FBXO15: variants seen among roughly 807,000 people sequenced by gnomAD.
The protein encoded by FBXO15 is F-box protein 15, also known as F-box only protein 15.
FBXO15 carries 30 observed loss-of-function variants against 49.5 expected under a neutral mutation model. The ratio of observed to expected loss-of-function variants is 0.61; its 90% CI spans 0.45 to 0.82. The LOEUF is 0.82. Ranked by LOEUF, FBXO15 falls within the 40% of genes least tolerant of loss-of-function variation. The pLI, the probability that FBXO15 is intolerant of heterozygous loss-of-function variation, is 0.00. For missense variants in FBXO15, 591 were observed against 631.5 expected (o/e 0.94, Z 0.69); for synonymous variants, 250 against 232.7 (o/e 1.07, Z -0.68).
chr18:74,123,248 TACTGGTGCCAAAAGATTATAA>T, intron 8 of FBXO15, 99 bp downstream of exon 8: 1 of 1,075,172 alleles, frequency 9.3e-7, no homozygotes. Context: ...TCTGGGAGGA[TACTGGTGCCAAAAGATTATAA>T]AGTGACCAGT....
intron 9 of FBXO15, among the ~76,000 whole-genome samples, chr18:74,080,815 G>T (rs1283055679): frequency 2.0e-5 from 3 of 152,108 alleles, no homozygotes; most frequent in Non-Finnish European, 2.9e-5. Context: ...CTAAATGACT[G>T]CTCTCATCTT....
chr18:74,119,108 G>A (rs893691094), intron 8 of FBXO15, among the ~76,000 whole-genome samples: 2 of 152,158 alleles, frequency 1.3e-5, no homozygotes, highest in Non-Finnish European at 2.9e-5. Flanking sequence ...TCAGGCCCTC[G>A]CTGTCGCCTT....
chr18:74,138,283 T>A (rs1978844739), intron 2 of FBXO15, among the ~76,000 whole-genome samples: 1 of 152,176 alleles, frequency 6.6e-6, no homozygotes, highest in South Asian at 2.1e-4. Context: ...CAGTGTGGAA[T>A]AGAACACACG....
chr18:74,110,032 A>AAT (rs1290783462), intron 8 of FBXO15, among the ~76,000 whole-genome samples: 2 of 151,948 alleles, frequency 1.3e-5, no homozygotes, highest in African/African-American at 4.8e-5. Context: ...TACATAAAGA[A>AAT]ATAAAGAGCA....
At chr18:74,129,649 T>A in intron 4 of FBXO15, 35 bp from the exon 5 acceptor site, 3 of 1,523,230 alleles carry the variant, frequency 2.0e-6, no homozygotes, top group Admixed American at 2.0e-5. Flanking sequence ...AATGTTTGCC[T>A]CATTGAAAAA....
intron 1 of FBXO15, among the ~76,000 whole-genome samples, chr18:74,143,710 G>A (rs1450268704): frequency 6.6e-6 from 1 of 152,220 alleles, no homozygotes; most frequent in Admixed American, 6.5e-5. Flanking sequence ...TTAAGTGTTT[G>A]AATTAGAAAC....
chr18:74,112,917 C>T (rs1028910894), intron 8 of FBXO15, among the ~76,000 whole-genome samples: 5 of 152,204 alleles, frequency 3.3e-5, no homozygotes, highest in Admixed American at 1.3e-4. Flanking sequence ...CAAAATTAAA[C>T]GTACTCGTAC....
intron 1 of FBXO15, among the ~76,000 whole-genome samples, chr18:74,146,736 TG>T (rs1344293820): frequency 2.6e-5 from 4 of 152,130 alleles, no homozygotes; most frequent in Non-Finnish European, 5.9e-5. Context: ...GTGGAAGTAA[TG>T]GAGACCTAGA....
At chr18:74,106,396 G>A (rs1458160321) in intron 8 of FBXO15, among the ~76,000 whole-genome samples, 5 of 152,088 alleles carry the variant, frequency 3.3e-5, no homozygotes, top group African/African-American at 1.2e-4. Flanking sequence ...CAAATGTAAT[G>A]CATATAAATC....
At chr18:74,131,491 CA>C (rs1456273577) in intron 3 of FBXO15, among the ~76,000 whole-genome samples, 1 of 152,182 alleles carries the variant, frequency 6.6e-6, no homozygotes, top group Non-Finnish European at 1.5e-5. Flanking sequence ...ATAAGCTCCC[CA>C]AATTCAGAGA....
chr18:74,146,516 A>G (rs1979420567), intron 1 of FBXO15, among the ~76,000 whole-genome samples: 1 of 152,232 alleles, frequency 6.6e-6, no homozygotes, highest in African/African-American at 2.4e-5. Flanking sequence ...CACTATGTAA[A>G]GACTAATTTT....
chr18:74,086,791 A>T (rs1320728869), intron 8 of FBXO15, among the ~76,000 whole-genome samples: 1 of 152,242 alleles, frequency 6.6e-6, no homozygotes, highest in Non-Finnish European at 1.5e-5. Context: ...ATCTAACAAA[A>T]TATGGAAACA....
In FBXO15 at chr18:74,129,314, G is replaced by A. The variant is rs184231608; in HGVS notation, c.785+91C>T. 386 of 1,092,374 alleles carry A rather than the reference G, an allele frequency of 3.5e-4. 2 individuals carry two copies. Among genetic ancestry groups the A allele is most frequent in the South Asian group, 2.6e-3 (170 of 64,598 alleles). 67.7% of individuals were successfully genotyped at this position (1,092,374 alleles called of 1,614,324 possible). A position where few individuals can be genotyped will look rare whatever the true frequency, so the allele number is the denominator to read the frequency against. ...TTAATATGTGATAAAATTAAAAAAC[G>A]CTGCTCTTATTTTTTAATTACAAAA... On this transcript the variant is annotated intron_variant, in intron 5 of 9. Coordinates refer to ENST00000419743, the MANE Select transcript of FBXO15 (RefSeq NM_001142958.2).
At position 74,123,268 on chromosome 18, in the gene FBXO15, A is replaced by G. The variant is rs576364225; in HGVS notation, c.1138+100T>C. The stretch of plus-strand genomic sequence containing the variant: ...GAGGATACTGGTGCCAAAAGATTAT[A>G]AAGTGACCAGTGAGGGCAATTCTTA... On this transcript the variant is annotated intron_variant, in intron 8 of 9. Transcript: ENST00000419743. 2.4e-5 allele frequency: 32 copies of G among 1,310,454 alleles called. No individual in the cohort carries two copies. In the South Asian group the frequency reaches 4.4e-4, roughly 18 times the overall value. 81.2% of individuals were successfully genotyped at this position (1,310,454 alleles called of 1,614,324 possible). A position where few individuals can be genotyped will look rare whatever the true frequency, so the allele number is the denominator to read the frequency against.
intron 1 of FBXO15, among the ~76,000 whole-genome samples, chr18:74,145,959 A>T (rs17088845): frequency 0.088 from 13,356 of 152,230 alleles, 1,083 homozygotes; most frequent in African/African-American, 0.21. Flanking sequence ...TTATGTTTTT[A>T]TGCGAATCTA....
chr18:74,125,273 A>G (rs1323631253), intron 6 of FBXO15, among the ~76,000 whole-genome samples: 2 of 152,190 alleles, frequency 1.3e-5, no homozygotes, highest in Non-Finnish European at 2.9e-5. Context: ...GGTCTCGCCC[A>G]CAAGCCACCT....
intron 2 of FBXO15, among the ~76,000 whole-genome samples, chr18:74,139,800 C>A (rs1471168631): frequency 5.3e-5 from 8 of 152,200 alleles, no homozygotes; most frequent in Non-Finnish European, 1.2e-4. Flanking sequence ...CTGAGGGTCA[C>A]AGCACAGAAT....
At chr18:74,095,339 C>T (rs1913229173) in intron 8 of FBXO15, among the ~76,000 whole-genome samples, 1 of 152,224 alleles carries the variant, frequency 6.6e-6, no homozygotes, top group African/African-American at 2.4e-5. Flanking sequence ...AACATGCCTT[C>T]CTCACTAAAC....
At chr18:74,130,740 T>C in intron 3 of FBXO15, 82 bp from the exon 4 acceptor site, 1 of 1,413,868 alleles carries the variant, frequency 7.1e-7, no homozygotes. Flanking sequence ...GAGATGCATA[T>C]TTTCAAATAA....
Sources: gnomAD v4.1 joint callset for allele counts (sites outside exome capture counted in the v4.1 genomes callset) on GRCh38, gnomAD v4.1.1 for gene constraint, MANE v1.5 for transcripts, NCBI Gene and HGNC (gene_info 2026-07-23, HGNC 2026-07-21) for gene names.